The following QKI variants were observed in gnomAD, a reference collection of about 807,000 sequenced individuals.
The protein encoded by QKI is QKI, KH domain containing RNA binding.
In QKI, 10 loss-of-function variants were observed where a neutral mutation model predicts 39.0. That is an observed-to-expected ratio of 0.26 (90% CI 0.16 to 0.43). QKI has a LOEUF of 0.43. QKI is among the 20% of genes least tolerant of loss of function. The pLI is 1.00. For missense variants in QKI, 218 were observed against 428.0 expected, an observed-to-expected ratio of 0.51 and a Z score of 4.33; for synonymous variants, 204 against 155.4, an observed-to-expected ratio of 1.31 and a Z score of -2.33.
At chr6:163,560,892 GA>G (rs925163523) in intron 4 of QKI, among the ~76,000 whole-genome samples, 3 of 152,184 alleles carry the variant, frequency 2.0e-5, no homozygotes, top group African/African-American at 4.8e-5. Flanking sequence ...ACAGTAAATG[GA>G]AAGAGTGGGA....
chr6:163,567,108 C>CTT (rs891829680), intron 7 of QKI: 8 of 1,034,556 alleles, frequency 7.7e-6, no homozygotes, highest in Non-Finnish European at 9.3e-6. Context: ...TCATTAATAA[C>CTT]TTTTGCTAAA....
At chr6:163,420,977 C>G (rs555596988) in intron 1 of QKI, among the ~76,000 whole-genome samples, 172 of 152,260 alleles carry the variant, frequency 1.1e-3, no homozygotes, top group African/African-American at 4.0e-3. Context: ...GCCTGGCATA[C>G]ACTTCTCAGA....
intron 1 of QKI, among the ~76,000 whole-genome samples, chr6:163,450,581 T>A (rs1165806385): frequency 6.6e-6 from 1 of 152,070 alleles, no homozygotes; most frequent in Non-Finnish European, 1.5e-5. Context: ...AAAACAGAAC[T>A]GTGCAGTGAC....
intron 3 of QKI, among the ~76,000 whole-genome samples, chr6:163,510,082 G>T (rs1779342585): frequency 6.6e-6 from 1 of 152,046 alleles, no homozygotes; most frequent in Admixed American, 6.5e-5. Flanking sequence ...TGGATGTGGT[G>T]ATGCGCATTT....
chr6:163,553,811 TGTTA>T (rs1442072870), intron 4 of QKI, among the ~76,000 whole-genome samples: 2 of 152,204 alleles, frequency 1.3e-5, no homozygotes, highest in African/African-American at 2.4e-5. Context: ...TACAAATCTT[TGTTA>T]GTTTTATATA....
At chr6:163,450,024 T>TAC (rs575946837) in intron 1 of QKI, among the ~76,000 whole-genome samples, 1 of 151,884 alleles carries the variant, frequency 6.6e-6, no homozygotes, top group African/African-American at 2.4e-5. Flanking sequence ...AACATATATA[T>TAC]ACACACACAT....
intron 3 of QKI, among the ~76,000 whole-genome samples, chr6:163,504,327 C>CT: frequency 6.6e-6 from 1 of 152,136 alleles, no homozygotes; most frequent in East Asian, 1.9e-4. Context: ...CTTAGGATTG[C>CT]TTTTCCTATT....
intron 2 of QKI, among the ~76,000 whole-genome samples, chr6:163,465,935 C>A (rs1227099004): frequency 3.3e-5 from 5 of 151,782 alleles, no homozygotes; most frequent in Non-Finnish European, 7.4e-5. Context: ...ACCAGCCTGG[C>A]CAACATGGTG....
chr6:163,415,087 G>T lies in QKI; in HGVS notation c.-107G>T. On this transcript the variant is annotated 5_prime_UTR_variant, in exon 1 of 8. Transcript: ENST00000361752. ...CAGAGCGGGAGCCGGCGCGGAGCGGGACGCCGGGTCCCGAGCGGCCCGCGG... is the reference window on the plus strand; with the variant it reads ...CAGAGCGGGAGCCGGCGCGGAGCGGTACGCCGGGTCCCGAGCGGCCCGCGG... The T allele has an allele frequency of 3.0e-6, 3 of 987,424 alleles. No homozygotes were observed. The highest frequency in any genetic ancestry group is 3.6e-6 in the Non-Finnish European group (3 of 826,946). 61.2% of individuals were successfully genotyped at this position (987,424 alleles called of 1,614,324 possible).
At chr6:163,460,773 T>G (rs1791292297) in intron 2 of QKI, among the ~76,000 whole-genome samples, 1 of 152,336 alleles carries the variant, frequency 6.6e-6, no homozygotes, top group South Asian at 2.1e-4. Flanking sequence ...ACTTTCATTC[T>G]TCTGAATAAC....
intron 2 of QKI, among the ~76,000 whole-genome samples, chr6:163,478,468 T>C (rs995902723): frequency 2.0e-5 from 3 of 152,228 alleles, no homozygotes; most frequent in Non-Finnish European, 4.4e-5. Flanking sequence ...TGGCATCTAA[T>C]ATTTTGTCAA....
chr6:163,505,496 A>G (rs1321816420), intron 3 of QKI, among the ~76,000 whole-genome samples: 4 of 152,194 alleles, frequency 2.6e-5, no homozygotes, highest in African/African-American at 9.7e-5. Context: ...GTGGGAGCCC[A>G]TCCCTTGCAA....
chr6:163,552,043 G>A (rs543947470), intron 4 of QKI, among the ~76,000 whole-genome samples: 1 of 152,094 alleles, frequency 6.6e-6, no homozygotes, highest in Admixed American at 6.5e-5. Flanking sequence ...AGCATTACTG[G>A]TAACAGTTGA....
At chr6:163,526,998 T>G (rs942814466) in intron 3 of QKI, among the ~76,000 whole-genome samples, 1 of 152,148 alleles carries the variant, frequency 6.6e-6, no homozygotes, top group African/African-American at 2.4e-5. Flanking sequence ...TGGAAATTAT[T>G]TGGCAAAAAA....
Position 163,495,206 on chromosome 6 carries a change from C to T in QKI, c.402+16310C>T, listed in dbSNP as rs545998561. Among the ~76,000 whole-genome samples the T allele has an allele frequency of 4.6e-5, 7 of 152,210 alleles. No homozygotes were observed. The South Asian group carries it at 6.2e-4, about 14-fold the overall frequency. On this transcript the variant is annotated intron_variant, in intron 3 of 7. Coordinates refer to ENST00000361752, the MANE Select transcript of QKI (RefSeq NM_006775.3). Reference sequence around the variant, plus strand: ...CTGGGATTACAGGCATGAGCCACCGCGCTTGGCCTAAATAAGGTGTCTTTG... The same window carrying T: ...CTGGGATTACAGGCATGAGCCACCGTGCTTGGCCTAAATAAGGTGTCTTTG...
chr6:163,496,710 C>T (rs1483020781), intron 3 of QKI, among the ~76,000 whole-genome samples: 1 of 152,170 alleles, frequency 6.6e-6, no homozygotes, highest in Non-Finnish European at 1.5e-5. Flanking sequence ...CGAACATACA[C>T]ATGCTCTCAT....
intron 1 of QKI, among the ~76,000 whole-genome samples, chr6:163,433,064 T>C (rs1788962785): frequency 1.3e-5 from 2 of 152,146 alleles, no homozygotes; most frequent in Non-Finnish European, 1.5e-5. Flanking sequence ...TATAGGAAAA[T>C]TGATTTATTT....
chr6:163,524,695 G>A (rs967268646), intron 3 of QKI, among the ~76,000 whole-genome samples: 1 of 151,988 alleles, frequency 6.6e-6, no homozygotes. Context: ...TTGAACTCCC[G>A]ACCTCAGGTG....
At chr6:163,425,600 T>C (rs1009495487) in intron 1 of QKI, among the ~76,000 whole-genome samples, 1 of 152,198 alleles carries the variant, frequency 6.6e-6, no homozygotes, top group Non-Finnish European at 1.5e-5. Context: ...AGTGATATTT[T>C]CTCAAAATAG....
Sources: gnomAD v4.1 joint callset for allele counts (sites outside exome capture counted in the v4.1 genomes callset) on GRCh38, gnomAD v4.1.1 for gene constraint, MANE v1.5 for transcripts, NCBI Gene and HGNC (gene_info 2026-07-23, HGNC 2026-07-21) for gene names.